SV2C: variants seen among roughly 807,000 people sequenced by gnomAD.
SV2C encodes solute carrier family 22 member B3.
A neutral mutation model predicts 79.7 loss-of-function variants in SV2C; 49 were observed. That is an observed-to-expected ratio of 0.61 (90% CI 0.49 to 0.78). SV2C has a LOEUF of 0.78. Ranked by LOEUF, SV2C falls within the 30% of genes least tolerant of loss-of-function variation. The pLI is 0.00. For missense variants in SV2C, 833 were observed against 912.9 expected, an observed-to-expected ratio of 0.91 and a Z score of 1.13; for synonymous variants, 334 against 333.2, an observed-to-expected ratio of 1.00 and a Z score of -0.03.
At chr5:75,882,950 G>A in the SV2C span, among the ~76,000 whole-genome samples, 7 of 151,090 alleles carry the variant, frequency 4.6e-5, no homozygotes, top group Non-Finnish European at 8.9e-5. Flanking sequence ...ATCTGACAAA[G>A]GGCTAATATC....
intron 12 of SV2C, among the ~76,000 whole-genome samples, chr5:76,351,517 G>C (rs1049095273): frequency 3.3e-5 from 5 of 152,126 alleles, no homozygotes; most frequent in African/African-American, 9.7e-5. Context: ...ACCTCTATGA[G>C]CTGGGGTGTC....
the SV2C span, among the ~76,000 whole-genome samples, chr5:76,008,065 A>G: frequency 6.6e-6 from 1 of 152,210 alleles, no homozygotes; most frequent in Non-Finnish European, 1.5e-5. Flanking sequence ...GATTCTTTCT[A>G]AGTTTCAGCA....
chr5:75,861,325 G>C, the SV2C span, among the ~76,000 whole-genome samples: 1 of 152,144 alleles, frequency 6.6e-6, no homozygotes, highest in African/African-American at 2.4e-5. Context: ...AAAAACAACA[G>C]ATGCTGGTGA....
At chr5:75,912,677 G>A in the SV2C span, among the ~76,000 whole-genome samples, 1 of 152,076 alleles carries the variant, frequency 6.6e-6, no homozygotes, top group African/African-American at 2.4e-5. Flanking sequence ...TGATATGAGG[G>A]TGGGGGCCCT....
intron 12 of SV2C, among the ~76,000 whole-genome samples, chr5:76,341,885 G>T (rs954955919): frequency 1.3e-5 from 2 of 152,154 alleles, no homozygotes; most frequent in Non-Finnish European, 2.9e-5. Context: ...TGGAACCTTG[G>T]CATTGCCTAA....
upstream of SV2C, among the ~76,000 whole-genome samples, chr5:76,082,788 T>A (rs1369962642): frequency 6.6e-6 from 1 of 152,102 alleles, no homozygotes; most frequent in Non-Finnish European, 1.5e-5. Flanking sequence ...TGCCCAAGTT[T>A]CCTCTGGACT....
At chr5:75,998,298 A>G in the SV2C span, among the ~76,000 whole-genome samples, 74 of 152,180 alleles carry the variant, frequency 4.9e-4, no homozygotes, top group African/African-American at 1.7e-3. Context: ...ATATGTAACA[A>G]ACCTGCACAT....
intron 2 of SV2C, among the ~76,000 whole-genome samples, chr5:76,142,741 TA>T (rs1749297664): frequency 6.6e-6 from 1 of 152,198 alleles, no homozygotes; most frequent in Admixed American, 6.5e-5. Context: ...ATTTCTTTTT[TA>T]AAAACATTAA....
chr5:76,294,640 T>G (rs1747681580), intron 8 of SV2C, among the ~76,000 whole-genome samples: 1 of 152,328 alleles, frequency 6.6e-6, no homozygotes, highest in Non-Finnish European at 1.5e-5. Flanking sequence ...AATTTTTACC[T>G]TCTTTTTTTC....
the SV2C span, among the ~76,000 whole-genome samples, chr5:76,016,281 T>TTCTTTCTA: frequency 1.5e-5 from 1 of 68,418 alleles, no homozygotes; most frequent in Non-Finnish European, 2.6e-5. Context: ...AGCTGTGCAA[T>TTCTTTCTA]TCTTTCTATA....
At chr5:75,915,835 T>C in the SV2C span, among the ~76,000 whole-genome samples, 2,370 of 152,230 alleles carry the variant, frequency 0.016, 56 homozygotes, top group African/African-American at 0.052. Context: ...TAGAGCTTGA[T>C]GTGGGCCTTG....
intron 8 of SV2C, among the ~76,000 whole-genome samples, chr5:76,294,814 C>T (rs1411458553): frequency 6.6e-6 from 1 of 152,108 alleles, no homozygotes; most frequent in East Asian, 1.9e-4. Flanking sequence ...GGTCAAGAGG[C>T]AGAAAGGGGA....
At chr5:76,010,284 A>C in the SV2C span, among the ~76,000 whole-genome samples, 1 of 152,140 alleles carries the variant, frequency 6.6e-6, no homozygotes, top group Non-Finnish European at 1.5e-5. Context: ...GGCTCAATCA[A>C]GCCTTCATGC....
chr5:75,961,426 A>G, the SV2C span, among the ~76,000 whole-genome samples: 1 of 152,020 alleles, frequency 6.6e-6, no homozygotes, highest in South Asian at 2.1e-4. Context: ...GGAATGATCT[A>G]AAGGAATAAA....
the SV2C span, among the ~76,000 whole-genome samples, chr5:75,936,971 A>G: frequency 0.028 from 4,273 of 152,326 alleles, 100 homozygotes; most frequent in Middle Eastern, 0.082. Context: ...AAACCATCTT[A>G]ATAATCAATG....
At chr5:76,125,108 C>G (rs554594633) in intron 1 of SV2C, among the ~76,000 whole-genome samples, 21 of 152,238 alleles carry the variant, frequency 1.4e-4, no homozygotes, top group Non-Finnish European at 2.6e-4. Context: ...AGCAAATTAA[C>G]TGTGTCAAAA....
the SV2C span, chr5:75,910,775 A>T: frequency 1.5e-6 from 2 of 1,352,450 alleles, no homozygotes; most frequent in Non-Finnish European, 2.1e-6. Context: ...TCTTTATAAC[A>T]GTCATGTTGG....
chr5:75,874,683 T>A, the SV2C span, among the ~76,000 whole-genome samples: 2 of 152,060 alleles, frequency 1.3e-5, no homozygotes, highest in Non-Finnish European at 2.9e-5. Flanking sequence ...AAAAAGCTCC[T>A]CCAGCTGATA....
the SV2C span, among the ~76,000 whole-genome samples, chr5:75,915,191 G>A: frequency 6.6e-6 from 1 of 152,150 alleles, no homozygotes; most frequent in Non-Finnish European, 1.5e-5. Flanking sequence ...CATTTCACAA[G>A]TGAACATACT....
Sources: allele counts gnomAD v4.1 joint callset (sites outside exome capture counted in the v4.1 genomes callset), GRCh38; gene constraint gnomAD v4.1.1; transcripts MANE v1.5; gene names NCBI Gene and HGNC (gene_info 2026-07-23, HGNC 2026-07-21).